Variants in SOX5 observed in about 807,000 individuals in gnomAD.
The protein encoded by SOX5 is transcription factor SOX-5.
In SOX5, 9 loss-of-function variants were observed where a neutral mutation model predicts 92.0. The observed-to-expected ratio is 0.10, with a 90% confidence interval of 0.06 to 0.17. The LOEUF is 0.17. SOX5 is among the 10% of genes least tolerant of loss of function. The probability of loss-of-function intolerance (pLI) is 1.00; values close to 1 mark genes in which losing one functional copy is unlikely to be tolerated. For missense variants in SOX5, 642 were observed against 944.5 expected, an observed-to-expected ratio of 0.68 and a Z score of 4.20; for synonymous variants, 344 against 336.3, an observed-to-expected ratio of 1.02 and a Z score of -0.25.
At chr12:24,257,073 T>C (rs536193195) in intron 3 of SOX5, among the ~76,000 whole-genome samples, 1 of 152,220 alleles carries the variant, frequency 6.6e-6, no homozygotes, top group Non-Finnish European at 1.5e-5. Context: ...TTCACAGGTT[T>C]GGGTGGCCTG....
chr12:23,554,478 G>T (rs1473103967), intron 11 of SOX5, among the ~76,000 whole-genome samples: 1 of 152,066 alleles, frequency 6.6e-6, no homozygotes, highest in Non-Finnish European at 1.5e-5. Context: ...AAGAGACTGG[G>T]CTTTGAGCTG....
chr12:23,666,252 A>G (rs147941738), intron 6 of SOX5, among the ~76,000 whole-genome samples: 43 of 152,144 alleles, frequency 2.8e-4, no homozygotes, highest in African/African-American at 1.0e-3. Context: ...GCCTGCATCT[A>G]TCCCTTTTGA....
intron 4 of SOX5, among the ~76,000 whole-genome samples, chr12:24,186,542 G>C (rs569738327): frequency 1.3e-5 from 2 of 152,210 alleles, no homozygotes; most frequent in African/African-American, 4.8e-5. Context: ...AATGGGAATA[G>C]AAAGCAGAAA....
intron 3 of SOX5, among the ~76,000 whole-genome samples, chr12:23,768,803 C>G (rs572906484): frequency 4.6e-5 from 7 of 152,064 alleles, no homozygotes; most frequent in South Asian, 2.1e-4. Context: ...TATTGCTTGA[C>G]AGGGTTCAAC....
intron 1 of SOX5, among the ~76,000 whole-genome samples, chr12:24,419,583 G>A (rs563945667): frequency 6.6e-6 from 1 of 152,226 alleles, no homozygotes; most frequent in East Asian, 1.9e-4. Flanking sequence ...ATTTTGGGGT[G>A]CACTCTCTAA....
At position 24,358,631 on chromosome 12, in the gene SOX5, C is replaced by A. The variant is rs183362730; in HGVS notation, c.-174+9932G>T. 2.7e-3 allele frequency among the ~76,000 whole-genome samples: 406 copies of A among 151,740 alleles called. 2 individuals are homozygous for A. Among genetic ancestry groups the A allele is most frequent in the African/African-American group, 9.3e-3 (384 of 41,404 alleles). ...CATCTCAAAAAAAAAAAAAATTGTC[C>A]TTTCACTGTCTTCCAAGAATGGTAA... On this transcript the variant is annotated intron_variant, in intron 2 of 4. Transcript: ENST00000446891.
intron 6 of SOX5, among the ~76,000 whole-genome samples, chr12:23,683,203 T>C (rs961795532): frequency 2.0e-5 from 3 of 151,910 alleles, no homozygotes; most frequent in Non-Finnish European, 2.9e-5. Flanking sequence ...AACATATTTC[T>C]AAATCCAGAA....
chr12:23,600,678 A>G (rs990036410), intron 9 of SOX5, among the ~76,000 whole-genome samples: 4 of 151,538 alleles, frequency 2.6e-5, no homozygotes, highest in Non-Finnish European at 5.9e-5. Flanking sequence ...GTAACTCAAC[A>G]AGCAACAATA....
intron 2 of SOX5, among the ~76,000 whole-genome samples, chr12:24,289,476 C>T (rs1490858212): frequency 7.9e-6 from 1 of 125,900 alleles, no homozygotes; most frequent in Admixed American, 8.3e-5. Flanking sequence ...TTTTTTGAGA[C>T]GGAGTCTCGC....
chr12:24,203,758 G>T (rs1398960756), intron 4 of SOX5, among the ~76,000 whole-genome samples: 1 of 151,894 alleles, frequency 6.6e-6, no homozygotes, highest in Non-Finnish European at 1.5e-5. Context: ...GTTCTTTTTT[G>T]TTCATTTTTA....
At chr12:24,420,814 T>A (rs994661704) in intron 1 of SOX5, among the ~76,000 whole-genome samples, 3 of 152,198 alleles carry the variant, frequency 2.0e-5, no homozygotes, top group Non-Finnish European at 4.4e-5. Context: ...GCATCACTTC[T>A]TATAGTCTTA....
chr12:24,061,396 T>A (rs986495470), intron 4 of SOX5, among the ~76,000 whole-genome samples: 4 of 151,276 alleles, frequency 2.6e-5, no homozygotes, highest in Non-Finnish European at 5.9e-5. Context: ...CATCCATTAT[T>A]GCCATGTATC....
chr12:23,993,340 T>C (rs1268226402), intron 4 of SOX5, among the ~76,000 whole-genome samples: 1 of 152,150 alleles, frequency 6.6e-6, no homozygotes, highest in African/African-American at 2.4e-5. Flanking sequence ...GTATTAATAT[T>C]AAAAGCAAAG....
At chr12:24,003,496 A>G (rs1592232483) in intron 4 of SOX5, among the ~76,000 whole-genome samples, 1 of 152,092 alleles carries the variant, frequency 6.6e-6, no homozygotes, top group East Asian at 1.9e-4. Flanking sequence ...AATCAATTAT[A>G]CTTCTATATA....
intron 3 of SOX5, among the ~76,000 whole-genome samples, chr12:23,781,628 C>G (rs1405053553): frequency 1.3e-5 from 2 of 152,034 alleles, no homozygotes; most frequent in South Asian, 2.1e-4. Flanking sequence ...AAATTTAACA[C>G]TTTAAGTAAA....
At chr12:24,444,032 G>A (rs1941074083) in intron 1 of SOX5, among the ~76,000 whole-genome samples, 1 of 152,192 alleles carries the variant, frequency 6.6e-6, no homozygotes, top group African/African-American at 2.4e-5. Context: ...GTGGGGATGT[G>A]GAAGGGGTTG....
At chr12:24,525,091 C>T (rs368485967) in intron 1 of SOX5, among the ~76,000 whole-genome samples, 1 of 152,196 alleles carries the variant, frequency 6.6e-6, no homozygotes, top group Non-Finnish European at 1.5e-5. Context: ...GACAAATCAG[C>T]ACTCACATGT....
Position 23,577,193 on chromosome 12 carries a change from T to TATA in SOX5, c.1165-1356_1165-1355insTAT, listed in dbSNP as rs1391132741. On this transcript the variant is annotated intron_variant, in intron 9 of 14. Coordinates refer to ENST00000451604, the MANE Select transcript of SOX5 (RefSeq NM_006940.6). ...CACACACACATATATATATATATAT[T>TATA]TTTTTTTTTTTTTTTTTTTGAGATG... is the stretch of plus-strand genomic sequence containing the variant. Among the ~76,000 whole-genome samples the TATA allele has an allele frequency of 9.6e-3, 516 of 53,538 alleles. 6 individuals carry two copies. Among genetic ancestry groups the TATA allele is most frequent in the African/African-American group, 0.026 (392 of 15,040 alleles). 35.1% of individuals were successfully genotyped at this position (53,538 alleles called of 152,430 possible). A position where few individuals can be genotyped will look rare whatever the true frequency, so the allele number is the denominator to read the frequency against.
At chr12:24,417,129 A>G (rs1965151157) in intron 1 of SOX5, among the ~76,000 whole-genome samples, 1 of 152,156 alleles carries the variant, frequency 6.6e-6, no homozygotes, top group Non-Finnish European at 1.5e-5. Flanking sequence ...GGAACTGCCC[A>G]TTTGTGTAGA....
Sources: allele counts gnomAD v4.1 joint callset (sites outside exome capture counted in the v4.1 genomes callset), GRCh38; gene constraint gnomAD v4.1.1; transcripts MANE v1.5; gene names NCBI Gene and HGNC (gene_info 2026-07-23, HGNC 2026-07-21).